Variants in MYO3B observed in about 807,000 individuals in gnomAD.
MYO3B encodes the protein myosin IIIB.
In MYO3B, 156 loss-of-function variants were observed where a neutral mutation model predicts 174.6. That is an observed-to-expected ratio of 0.89 (90% CI 0.78 to 1.02). MYO3B has a LOEUF of 1.02. Among genes scored for constraint, MYO3B ranks in the 50% least tolerant of loss-of-function variants. The pLI, the probability that MYO3B is intolerant of heterozygous loss-of-function variation, is 0.00. For missense variants in MYO3B, 1,632 were observed against 1,639.4 expected (o/e 1.00, Z 0.08); for synonymous variants, 563 against 569.1 (o/e 0.99, Z 0.15).
intron 25 of MYO3B, among the ~76,000 whole-genome samples, chr2:170,472,015 G>A (rs1575034592): frequency 6.7e-6 from 1 of 149,382 alleles, no homozygotes; most frequent in African/African-American, 2.5e-5. Flanking sequence ...AAACTCACTT[G>A]ACCAACTTGA....
chr2:170,588,979 C>T (rs1179555683), intron 32 of MYO3B, among the ~76,000 whole-genome samples: 1 of 152,068 alleles, frequency 6.6e-6, no homozygotes, highest in Non-Finnish European at 1.5e-5. Context: ...CAACTTTAAC[C>T]TGGGTGTGAA....
Position 170,206,249 on chromosome 2 carries a change from T to C in MYO3B, c.321+5965T>C, listed in dbSNP as rs2092712562. 6.6e-6 allele frequency among the ~76,000 whole-genome samples: 1 copy of C among 152,184 alleles called. No homozygotes were observed. Among genetic ancestry groups the C allele is most frequent in the African/African-American group, 2.4e-5 (1 of 41,452 alleles). On this transcript the variant is annotated intron_variant, in intron 3 of 34. Coordinates refer to ENST00000408978, the MANE Select transcript of MYO3B (RefSeq NM_138995.5). This position sits in a 1 kb window ranked among gnomAD's most constrained non-coding sequence, Gnocchi z 4.3. ...CCCCAAACCCATTTGTCCTTCAAAC[T>C]CATTGTAAATGTTACATCCTCTGGG...
At chr2:170,316,328 A>C (rs2093775266) in intron 7 of MYO3B, among the ~76,000 whole-genome samples, 2 of 152,238 alleles carry the variant, frequency 1.3e-5, no homozygotes, top group Non-Finnish European at 2.9e-5. Flanking sequence ...TTTCTAGGAA[A>C]ATCAGCTGAA....
In MYO3B at chr2:170,254,135, G is replaced by C. The variant is rs1431106334; in HGVS notation, c.749+17999G>C. Among the ~76,000 whole-genome samples the C allele has an allele frequency of 2.0e-5, 3 of 152,130 alleles. No individual in the cohort carries two copies. In the South Asian group the frequency reaches 6.2e-4, roughly 32 times the overall value. ...CTGGTACTGAAAAGGTTCTCAGGAAGGGGTGAATGAAGGAACTCTGTGGCA... is the reference window on the plus strand; with the variant it reads ...CTGGTACTGAAAAGGTTCTCAGGAACGGGTGAATGAAGGAACTCTGTGGCA... On this transcript the variant is annotated intron_variant, in intron 7 of 34. Transcript: ENST00000408978.
chr2:170,589,569 A>G (rs149879311), intron 32 of MYO3B, among the ~76,000 whole-genome samples: 136 of 152,320 alleles, frequency 8.9e-4, no homozygotes, highest in African/African-American at 3.0e-3. Context: ...AAAGTAAAAA[A>G]AATTTTAAAT....
chr2:170,291,319 TC>T (rs35140803), intron 7 of MYO3B, among the ~76,000 whole-genome samples: 101,757 of 151,946 alleles, frequency 0.67, 34,273 homozygotes, highest in Admixed American at 0.73. Flanking sequence ...TTTAACTGCA[TC>T]CCCCCCAAAT....
chr2:170,403,339 G>A (rs1558966734), intron 19 of MYO3B, among the ~76,000 whole-genome samples: 1 of 152,050 alleles, frequency 6.6e-6, no homozygotes, highest in Non-Finnish European at 1.5e-5. Context: ...CTTGAATTCG[G>A]GACATAGGTT....
At chr2:170,592,166 A>G (rs1160993427) in intron 32 of MYO3B, among the ~76,000 whole-genome samples, 1 of 152,166 alleles carries the variant, frequency 6.6e-6, no homozygotes. Context: ...CCATAACCAT[A>G]TCACTAAAAT....
At chr2:170,332,657 T>A (rs1233505283) in intron 7 of MYO3B, among the ~76,000 whole-genome samples, 1 of 152,188 alleles carries the variant, frequency 6.6e-6, no homozygotes, top group African/African-American at 2.4e-5. Context: ...AATGAGGTTC[T>A]CTTAACCAAC....
intron 8 of MYO3B, among the ~76,000 whole-genome samples, chr2:170,345,863 G>A (rs2094011842): frequency 6.6e-6 from 1 of 151,550 alleles, no homozygotes; most frequent in Non-Finnish European, 1.5e-5. Flanking sequence ...GAAGACTGGA[G>A]TTATGCTGTC....
intron 7 of MYO3B, among the ~76,000 whole-genome samples, chr2:170,292,939 G>A (rs895964992): frequency 1.3e-5 from 2 of 152,000 alleles, no homozygotes; most frequent in Non-Finnish European, 2.9e-5. Context: ...AATCCAAGCT[G>A]GTGGGAAAGC....
chr2:170,555,655 T>C (rs950170113), intron 32 of MYO3B, among the ~76,000 whole-genome samples: 2 of 152,030 alleles, frequency 1.3e-5, no homozygotes, highest in African/African-American at 4.8e-5. Flanking sequence ...GAGGATTGCC[T>C]GAGGCCAAGA....
In MYO3B at chr2:170,459,851, C is replaced by T. The variant is rs532169093; in HGVS notation, c.2731-3517C>T. On this transcript the variant is annotated intron_variant, in intron 23 of 34. Transcript: ENST00000408978. ...CAGGTGGGGGACCTGGTGCACCTTC[C>T]GCAGCTGCTGGCCCAGATACTAAGC... 1.4e-4 allele frequency among the ~76,000 whole-genome samples: 22 copies of T among 152,198 alleles called. No individual in the cohort carries two copies. In the East Asian group the frequency reaches 1.6e-3, roughly 11 times the overall value.
intron 7 of MYO3B, among the ~76,000 whole-genome samples, chr2:170,254,358 T>C (rs1482938906): frequency 6.6e-6 from 1 of 152,086 alleles, no homozygotes; most frequent in African/African-American, 2.4e-5. Flanking sequence ...AGGCTCTCCA[T>C]CTTACTCTGA....
At chr2:170,328,893 G>A (rs1406866175) in intron 7 of MYO3B, among the ~76,000 whole-genome samples, 3 of 152,064 alleles carry the variant, frequency 2.0e-5, no homozygotes, top group South Asian at 2.1e-4. Flanking sequence ...GGCCGGGTGC[G>A]GTGGCTCATG....
intron 22 of MYO3B, among the ~76,000 whole-genome samples, chr2:170,418,399 A>G (rs992681095): frequency 2.0e-5 from 3 of 152,202 alleles, no homozygotes; most frequent in Non-Finnish European, 4.4e-5. Flanking sequence ...CATCGCTACT[A>G]AATTTTCTCT....
chr2:170,511,947 C>T lies in MYO3B; in HGVS notation c.3371-2974C>T, dbSNP rs576891464. ...TGGGAGTCAGAAAATAATGGATTGACGGTCCCTAGATGATCAGAAGGAAGG... is the reference window on the plus strand; with the variant it reads ...TGGGAGTCAGAAAATAATGGATTGATGGTCCCTAGATGATCAGAAGGAAGG... On this transcript the variant is annotated intron_variant, in intron 28 of 34. Coordinates refer to ENST00000408978, the MANE Select transcript of MYO3B (RefSeq NM_138995.5). 6.0e-4 allele frequency among the ~76,000 whole-genome samples: 91 copies of T among 152,228 alleles called. 2 individuals are homozygous for T. The South Asian group carries it at 0.017, about 28-fold the overall frequency.
chr2:170,435,815 A>G (rs2094749405), intron 22 of MYO3B, among the ~76,000 whole-genome samples: 1 of 152,234 alleles, frequency 6.6e-6, no homozygotes, highest in Admixed American at 6.5e-5. Context: ...ACTGGAACCC[A>G]GCTACAAGTC....
chr2:170,271,829 G>A (rs528288864), intron 7 of MYO3B, among the ~76,000 whole-genome samples: 2 of 152,230 alleles, frequency 1.3e-5, no homozygotes, highest in South Asian at 4.2e-4. Flanking sequence ...AGTGGGCTTC[G>A]GAAATGTTCC....
Sources: gnomAD v4.1 joint callset for allele counts (sites outside exome capture counted in the v4.1 genomes callset) on GRCh38, gnomAD v4.1.1 for gene constraint, Gnocchi (gnomAD v3.1) non-coding constraint, MANE v1.5 for transcripts, NCBI Gene and HGNC (gene_info 2026-07-23, HGNC 2026-07-21) for gene names.